Variants in ADCY7 observed in about 807,000 individuals in gnomAD.
The protein encoded by ADCY7 is adenylate cyclase type 7.
In ADCY7, 72 loss-of-function variants were observed where a neutral mutation model predicts 120.6. The ratio of observed to expected loss-of-function variants is 0.60; its 90% confidence interval spans 0.49 to 0.73. The LOEUF (loss-of-function observed/expected upper bound fraction) is 0.73. Ranked by LOEUF, ADCY7 falls within the 30% of genes least tolerant of loss-of-function variation. The pLI is 0.00. For synonymous variants in ADCY7, 661 were observed against 628.0 expected (o/e 1.05, Z -0.78); for missense variants, 1,227 against 1,486.0 (o/e 0.83, Z 2.87).
chr16:50,252,922 T>C (rs367791128), intron 1 of ADCY7, among the ~76,000 whole-genome samples: 1 of 152,222 alleles, frequency 6.6e-6, no homozygotes, highest in East Asian at 1.9e-4. Context: ...TGTATATTCT[T>C]CCAGACTTCT....
Position 50,304,375 on chromosome 16 carries a change from C to G in ADCY7, c.1384C>G (p.Pro462Ala). The G allele has an allele frequency of 6.5e-7, 1 of 1,538,928 alleles. No individual in the cohort carries two copies. Among genetic ancestry groups the G allele is most frequent in the Non-Finnish European group, 8.8e-7 (1 of 1,140,500 alleles). Residue 462 changes from proline (P) to alanine (A), a missense_variant, in exon 11 of 26, where the codon CCG (proline) becomes GCG (alanine). Transcript: ENST00000673801. ...VIDPRSQQPP[P>A]PSQHLPRPKG... The stretch of plus-strand genomic sequence containing the variant: ...CTGCCCGCAGAGCCAGCAGCCACCC[C>G]CGCCCAGCCAACACCTCCCCAGGCC...
Position 50,293,384 on chromosome 16 carries a change from C to T in ADCY7, c.718C>T (p.His240Tyr). The T allele has an allele frequency of 6.2e-7, 1 of 1,613,834 alleles. No homozygotes were observed. The highest frequency in any genetic ancestry group is 8.5e-7 in the Non-Finnish European group (1 of 1,179,868). The change falls in exon 6 of 26, where the codon CAC (histidine) becomes TAC (tyrosine). Residue 240 changes from histidine to tyrosine, a missense_variant. Transcript: ENST00000673801. ...CCTGCTGCTGTCAGTGCTTCCGGCC[C>T]ACATCTCCATGGGCATGAAGCTGGC... ...ENLLLSVLPA[H>Y]ISMGMKLAII...
At chr16:50,255,402 GAAAAAAA>G (rs60335173) in intron 1 of ADCY7, among the ~76,000 whole-genome samples, 8 of 108,136 alleles carry the variant, frequency 7.4e-5, no homozygotes, top group Admixed American at 2.2e-4. Flanking sequence ...TCTGTTTCTG[GAAAAAAA>G]AAAAAAAAAA....
Position 50,315,493 on chromosome 16 carries a change from G to A in ADCY7, c.3231G>A (p.Leu1077=). 6.2e-7 allele frequency: 1 copy of A among 1,611,716 alleles called. No individual in the cohort carries two copies. Among genetic ancestry groups the A allele is most frequent in the African/African-American group, 1.3e-5 (1 of 75,028 alleles). Residue 1077 remains leucine, a synonymous_variant, in exon 26 of 26, where the codon CTG becomes CTA. Transcript: ENST00000673801. ...CGGACACTGCCAAGTTTCAGGGGCT[G>A]GGGCTGAACTGAGGGCTCCTGCTGG... ...VCTDTAKFQG[L]GLN
chr16:50,274,516 A>C (rs2033761691), intron 1 of ADCY7, among the ~76,000 whole-genome samples: 2 of 151,976 alleles, frequency 1.3e-5, no homozygotes, highest in Non-Finnish European at 2.9e-5. Flanking sequence ...CGGTTTCACG[A>C]GGCAGTCCCC....
At chr16:50,250,231 G>A (rs141801396) in intron 1 of ADCY7, among the ~76,000 whole-genome samples, 2,325 of 152,226 alleles carry the variant, frequency 0.015, 61 homozygotes, top group African/African-American at 0.053. Context: ...CGAGGCGGGC[G>A]GATCACTTGA....
Position 50,305,812 on chromosome 16 carries a change from T to G in ADCY7, c.1715T>G (p.Phe572Cys), listed in dbSNP as rs1417101499. 8 of 1,613,794 alleles carry G rather than the reference T, an allele frequency of 5.0e-6. No homozygotes were observed. The highest frequency in any genetic ancestry group is 1.7e-5 in the Admixed American group (1 of 59,992). ...CCSKSDDFYT[F>C]GSIFLEKGFE... ...TCCAAGTCCGATGACTTCTACACCTTTGGGTCCATCTTCCTGGAGAAGGGC... is the reference window on the plus strand; with the variant it reads ...TCCAAGTCCGATGACTTCTACACCTGTGGGTCCATCTTCCTGGAGAAGGGC... Residue 572 changes from phenylalanine to cysteine, a missense_variant, in exon 14 of 26, where the codon TTT becomes TGT. By Grantham distance (205) the Phe-to-Cys change is radical. Coordinates refer to ENST00000673801, the MANE Select transcript of ADCY7 (RefSeq NM_001114.5).
chr16:50,298,835 G>T, intron 7 of ADCY7, 69 bp from the exon 8 acceptor site: 1 of 1,555,702 alleles, frequency 6.4e-7, no homozygotes, highest in Non-Finnish European at 8.7e-7. Flanking sequence ...GAGGGTGGGG[G>T]GAGGCGGCTG....
At chr16:50,271,669 A>G (rs1473662906) in intron 1 of ADCY7, among the ~76,000 whole-genome samples, 5 of 151,600 alleles carry the variant, frequency 3.3e-5, no homozygotes, top group African/African-American at 1.2e-4. Flanking sequence ...CCCCCCTGAC[A>G]TTTTCACTCC....
At chr16:50,314,857 C>T (rs946696505) in intron 24 of ADCY7, 157 bp from the exon 25 acceptor site, 235 of 985,282 alleles carry the variant, frequency 2.4e-4, no homozygotes, top group Non-Finnish European at 3.2e-4. Flanking sequence ...ACCCCAAGCC[C>T]GACTGCAACG....
chr16:50,288,032 C>G lies in ADCY7; in HGVS notation c.-148C>G. The G allele has an allele frequency of 1.1e-6, 1 of 903,178 alleles. No individual in the cohort carries two copies. The highest frequency in any genetic ancestry group is 1.6e-6 in the Non-Finnish European group (1 of 623,588). The allele number at this position is 903,178 out of a possible 1,614,324, so 55.9% of individuals were successfully genotyped here. The stretch of plus-strand genomic sequence containing the variant: ...CCCTTGTTGGCCATGGAGCAGCAGG[C>G]CCAGAGGCCCTCTCCCCAGCCCTGC... On this transcript the variant is annotated 5_prime_UTR_variant, in exon 2 of 26. Transcript: ENST00000673801.
intron 1 of ADCY7, among the ~76,000 whole-genome samples, chr16:50,261,300 C>A (rs2033051340): frequency 6.6e-6 from 1 of 152,104 alleles, no homozygotes; most frequent in Non-Finnish European, 1.5e-5. Context: ...AGAGGCGGCA[C>A]CAGTACCTGG....
In ADCY7 at chr16:50,311,798, G is replaced by GC. The variant is rs1460556888; in HGVS notation, c.2448+12_2448+13insC. On this transcript the variant is annotated intron_variant, in intron 20 of 25. Coordinates refer to ENST00000673801, the MANE Select transcript of ADCY7 (RefSeq NM_001114.5). ...CACTCTCCAGACAGGTAAGGAGGCT[G>GC]GCCCCCCCCCCCCCCCCAAGCTCTG... 8.3e-6 allele frequency: 11 copies of GC among 1,331,870 alleles called. No individual in the cohort carries two copies. Among genetic ancestry groups the GC allele is most frequent in the African/African-American group, 2.2e-5 (1 of 45,982 alleles). 82.5% of individuals were successfully genotyped at this position (1,331,870 alleles called of 1,614,324 possible). A position where few individuals can be genotyped will look rare whatever the true frequency, so the allele number is the denominator to read the frequency against.
chr16:50,248,658 A>G (rs1372501272), intron 1 of ADCY7, among the ~76,000 whole-genome samples: 1 of 152,250 alleles, frequency 6.6e-6, no homozygotes, highest in Non-Finnish European at 1.5e-5. Context: ...ATTGTCGGCA[A>G]TGAGGAAGAA....
Position 50,312,148 on chromosome 16 carries a change from C to A in ADCY7, c.2561C>A (p.Pro854Gln). 1 of 1,614,224 alleles carries A rather than the reference C, an allele frequency of 6.2e-7. No individual in the cohort carries two copies. The highest frequency in any genetic ancestry group is 1.7e-5 in the Admixed American group (1 of 60,026). ...CGCCTTCTTCTGGAGAACGTCCTGC[C>A]AGCCCACGTGGCTGCCCACTTTATC... ...VNRLLLENVLPAHVAAHFIGD... is the reference protein window; with the variant it reads ...VNRLLLENVLQAHVAAHFIGD... Residue 854 changes from proline (P) to glutamine (Q), a missense_variant, in exon 21 of 26, where the codon CCA (proline) becomes CAA (glutamine). By Grantham distance (76) the Pro-to-Gln change is moderately conservative (BLOSUM62 -1). This residue lies in a region of ADCY7 where 244 missense variants were observed against 332.8 expected (regional missense o/e 0.73). Transcript: ENST00000673801.
At chr16:50,311,481 G>A (rs933450679) in intron 19 of ADCY7, among the ~76,000 whole-genome samples, 21 of 152,116 alleles carry the variant, frequency 1.4e-4, no homozygotes, top group Admixed American at 1.3e-4. Context: ...TCAGGGGTGA[G>A]ATCAGAGGTC....
rs2035429330 is a variant in ADCY7, at chr16:50,297,464, G to T, written c.949-1440G>T. 6.6e-6 allele frequency among the ~76,000 whole-genome samples: 1 copy of T among 152,178 alleles called. No homozygotes were observed. The highest frequency in any genetic ancestry group is 1.5e-5 in the Non-Finnish European group (1 of 68,030). On this transcript the variant is annotated intron_variant, in intron 7 of 25. Transcript: ENST00000673801. This position sits in a 1 kb window ranked among gnomAD's most constrained non-coding sequence, Gnocchi z 4.4. ...AGGGTAGCTGGAGCCTAGTATCCAG[G>T]TCTGCCAAGATTGCCTGCTTTCTAG...
At chr16:50,299,736 C>T (rs967249769) in intron 8 of ADCY7, among the ~76,000 whole-genome samples, 11 of 152,236 alleles carry the variant, frequency 7.2e-5, no homozygotes, top group African/African-American at 2.7e-4. Flanking sequence ...TGTGTGACCT[C>T]AGGCTGGCCC....
chr16:50,315,164 G>C (rs1274525233), intron 25 of ADCY7, 26 bp downstream of exon 25: 1 of 1,612,750 alleles, frequency 6.2e-7, no homozygotes, highest in Non-Finnish European at 8.5e-7. Context: ...GGAAGCAGTT[G>C]ACTAAGGGGA....
Sources: gnomAD v4.1 joint callset for allele counts (sites outside exome capture counted in the v4.1 genomes callset) on GRCh38, gnomAD v4.1.1 for gene constraint, gnomAD v4.1.1 regional missense constraint, Gnocchi (gnomAD v3.1) non-coding constraint, MANE v1.5 for transcripts, NCBI Gene and HGNC (gene_info 2026-07-23, HGNC 2026-07-21) for gene names.